SAMD5: variants seen among roughly 807,000 people sequenced by gnomAD.
The protein encoded by SAMD5 is sterile alpha motif domain containing 5.
A neutral mutation model predicts 11.3 loss-of-function variants in SAMD5; 13 were observed. The ratio of observed to expected loss-of-function variants is 1.15; its 90% CI spans 0.75 to 1.83. SAMD5 has a LOEUF of 1.83. SAMD5 is among the 40% of genes most tolerant of loss of function. The probability of loss-of-function intolerance (pLI) is 0.00; values close to 1 mark genes in which losing one functional copy is unlikely to be tolerated. For missense variants in SAMD5, 255 were observed against 239.1 expected (o/e 1.07, Z -0.44); for synonymous variants, 129 against 111.3 (o/e 1.16, Z -1.00).
At chr6:147,951,918 G>C in the SAMD5 span, among the ~76,000 whole-genome samples, 1 of 152,134 alleles carries the variant, frequency 6.6e-6, no homozygotes, top group Non-Finnish European at 1.5e-5. Flanking sequence ...GCCACATCGG[G>C]ATACATAGAA....
At chr6:147,793,649 G>A in the SAMD5 span, among the ~76,000 whole-genome samples, 1 of 152,024 alleles carries the variant, frequency 6.6e-6, no homozygotes, top group African/African-American at 2.4e-5. Flanking sequence ...AAATTTATTG[G>A]TACCTATTTA....
intron 1 of SAMD5, among the ~76,000 whole-genome samples, chr6:147,708,449 G>T (rs1468310021): frequency 6.6e-6 from 1 of 152,160 alleles, no homozygotes; most frequent in East Asian, 1.9e-4. Context: ...TGTTATGGCA[G>T]CCCTTGCAAA....
intron 1 of SAMD5, among the ~76,000 whole-genome samples, chr6:147,553,720 T>C (rs1788809264): frequency 6.6e-6 from 1 of 152,226 alleles, no homozygotes; most frequent in Non-Finnish European, 1.5e-5. Context: ...TTTGTGTTTC[T>C]TCCGAGTTCA....
the SAMD5 span, among the ~76,000 whole-genome samples, chr6:147,829,351 C>A: frequency 6.8e-3 from 1,038 of 152,254 alleles, 3 homozygotes; most frequent in Non-Finnish European, 0.01. Flanking sequence ...GAGGGTTGTT[C>A]TACAGCTAAG....
chr6:147,730,167 G>A (rs1454086917), intron 1 of SAMD5: 8 of 419,162 alleles, frequency 1.9e-5, no homozygotes, highest in Non-Finnish European at 3.2e-5. Flanking sequence ...TGATGATTTC[G>A]GGAAAGAGCC....
In SAMD5 at chr6:147,659,743, A is replaced by C. The variant is rs60227405; in HGVS notation, c.163-77574A>C. Among the ~76,000 whole-genome samples the C allele has an allele frequency of 2.7e-3, 404 of 152,332 alleles. 9 individuals are homozygous for C. The South Asian group carries it at 0.035, about 13-fold the overall frequency. On this transcript the variant is annotated intron_variant, in intron 1 of 1. Coordinates refer to the SAMD5 transcript ENST00000566741. Reference sequence around the variant, plus strand: ...TAATTTCTTGGAAATATCTCTCTCTATATATAGGGTATATATTTATAGCAT... The same window carrying C: ...TAATTTCTTGGAAATATCTCTCTCTCTATATAGGGTATATATTTATAGCAT...
chr6:147,648,225 A>G (rs897321013), intron 1 of SAMD5, among the ~76,000 whole-genome samples: 2 of 152,152 alleles, frequency 1.3e-5, no homozygotes, highest in Non-Finnish European at 2.9e-5. Flanking sequence ...CAGGAAACTT[A>G]CAGTCATGGC....
intron 1 of SAMD5, among the ~76,000 whole-genome samples, chr6:147,710,168 A>G (rs1791376720): frequency 6.6e-6 from 1 of 152,032 alleles, no homozygotes; most frequent in Non-Finnish European, 1.5e-5. Flanking sequence ...AGATTTCTTG[A>G]TCTAGCCACC....
At chr6:147,787,040 T>A in the SAMD5 span, among the ~76,000 whole-genome samples, 13 of 152,222 alleles carry the variant, frequency 8.5e-5, no homozygotes, top group Admixed American at 1.3e-4. Flanking sequence ...AGTCTATAAG[T>A]ATAAGGAGTT....
chr6:147,595,960 A>G (rs1053903992), intron 1 of SAMD5, among the ~76,000 whole-genome samples: 2 of 152,192 alleles, frequency 1.3e-5, no homozygotes, highest in Non-Finnish European at 2.9e-5. Flanking sequence ...TAGGATGTAC[A>G]TGAATGTGGG....
At chr6:147,603,795 A>AC (rs952122653) in intron 1 of SAMD5, among the ~76,000 whole-genome samples, 2 of 152,106 alleles carry the variant, frequency 1.3e-5, no homozygotes, top group Admixed American at 6.6e-5. Flanking sequence ...AAACAAAAAA[A>AC]AACAACAACA....
chr6:147,849,259 C>A, the SAMD5 span, among the ~76,000 whole-genome samples: 1 of 145,444 alleles, frequency 6.9e-6, no homozygotes, highest in Non-Finnish European at 1.5e-5. Context: ...AAAAGTAATT[C>A]TTTAAACTTT....
At chr6:147,518,896 A>G (rs765523986) in intron 1 of SAMD5, among the ~76,000 whole-genome samples, 1 of 152,248 alleles carries the variant, frequency 6.6e-6, no homozygotes, top group South Asian at 2.1e-4. Flanking sequence ...TTTTCAGTCA[A>G]TATAAAAACT....
chr6:147,611,868 G>A (rs919361423), intron 1 of SAMD5, among the ~76,000 whole-genome samples: 1 of 152,182 alleles, frequency 6.6e-6, no homozygotes, highest in African/African-American at 2.4e-5. Flanking sequence ...GGAGATGAAA[G>A]TGTAATCTGG....
chr6:147,930,952 T>A, the SAMD5 span, among the ~76,000 whole-genome samples: 1 of 152,256 alleles, frequency 6.6e-6, no homozygotes, highest in East Asian at 1.9e-4. Flanking sequence ...GTCAGTCTCC[T>A]CCAGAAACAC....
intron 1 of SAMD5, among the ~76,000 whole-genome samples, chr6:147,586,436 G>GA (rs1159898706): frequency 6.6e-6 from 1 of 151,766 alleles, no homozygotes; most frequent in South Asian, 2.1e-4. Context: ...CTCCACAAGG[G>GA]AAAAAAAAGT....
At chr6:147,605,899 G>A (rs1052253634) in intron 1 of SAMD5, among the ~76,000 whole-genome samples, 6 of 152,162 alleles carry the variant, frequency 3.9e-5, no homozygotes, top group Non-Finnish European at 7.4e-5. Context: ...CATGGGGTAT[G>A]TTTGAGGCAC....
intron 1 of SAMD5, among the ~76,000 whole-genome samples, chr6:147,604,824 G>A (rs1789676448): frequency 6.6e-6 from 1 of 152,152 alleles, no homozygotes; most frequent in African/African-American, 2.4e-5. Flanking sequence ...TTGATGTTAG[G>A]AAAACTCCAG....
the SAMD5 span, among the ~76,000 whole-genome samples, chr6:147,934,538 TCC>T: frequency 6.6e-6 from 1 of 151,966 alleles, no homozygotes; most frequent in Non-Finnish European, 1.5e-5. Context: ...TACTCACAAG[TCC>T]CAGATAGGTA....
Sources: allele counts gnomAD v4.1 joint callset (sites outside exome capture counted in the v4.1 genomes callset), GRCh38; gene constraint gnomAD v4.1.1; transcripts MANE v1.5; gene names NCBI Gene and HGNC (gene_info 2026-07-23, HGNC 2026-07-21).